MBD5: variants seen among roughly 807,000 people sequenced by gnomAD.
MBD5 encodes the protein methyl-CpG-binding domain protein 5.
In MBD5, 13 loss-of-function variants were observed where a neutral mutation model predicts 117.3. The observed-to-expected ratio is 0.11, with a 90% confidence interval of 0.07 to 0.18. MBD5 has a LOEUF of 0.18. MBD5 is among the 10% of genes least tolerant of loss of function. The pLI is 1.00. For missense variants in MBD5, 1,879 were observed against 2,093.8 expected, an observed-to-expected ratio of 0.90 and a Z score of 2.00; for synonymous variants, 727 against 766.4, an observed-to-expected ratio of 0.95 and a Z score of 0.85.
intron 1 of MBD5, among the ~76,000 whole-genome samples, chr2:148,051,955 G>A (rs1012968814): frequency 6.6e-6 from 1 of 151,810 alleles, no homozygotes; most frequent in Admixed American, 6.6e-5. Context: ...GGTAGAATTC[G>A]CCAGTGAAGC....
chr2:148,204,604 A>T (rs1699230498), intron 2 of MBD5, among the ~76,000 whole-genome samples: 1 of 152,202 alleles, frequency 6.6e-6, no homozygotes, highest in African/African-American at 2.4e-5. Flanking sequence ...AAGGGGAAAA[A>T]GTCAGACTTG....
intron 1 of MBD5, among the ~76,000 whole-genome samples, chr2:148,136,569 A>C (rs1697176866): frequency 6.6e-6 from 1 of 152,126 alleles, no homozygotes. Flanking sequence ...TGTTTCTTTT[A>C]ATTTCTCCCT....
intron 4 of MBD5, among the ~76,000 whole-genome samples, chr2:148,380,075 C>G (rs1342232567): frequency 5.3e-5 from 8 of 151,986 alleles, no homozygotes; most frequent in African/African-American, 1.2e-4. Context: ...CAGGCAAACA[C>G]CAACCAAAAC....
chr2:148,199,797 T>C (rs1286128375), intron 2 of MBD5, among the ~76,000 whole-genome samples: 1 of 152,036 alleles, frequency 6.6e-6, no homozygotes, highest in Non-Finnish European at 1.5e-5. Context: ...AATATAAATG[T>C]CATGGATTTC....
chr2:148,480,678 A>G (rs1263129006), intron 8 of MBD5, among the ~76,000 whole-genome samples: 1 of 152,148 alleles, frequency 6.6e-6, no homozygotes, highest in Non-Finnish European at 1.5e-5. Flanking sequence ...AGAAGCAGTT[A>G]AATGTTTAAG....
At chr2:148,507,746 C>T (rs543157583) in intron 12 of MBD5, among the ~76,000 whole-genome samples, 11 of 135,940 alleles carry the variant, frequency 8.1e-5, no homozygotes, top group African/African-American at 3.1e-4. Flanking sequence ...GGCGACAGAG[C>T]AAGACTCCGT....
chr2:148,076,174 TCG>T (rs1458566359), intron 1 of MBD5, among the ~76,000 whole-genome samples: 1 of 105,508 alleles, frequency 9.5e-6, no homozygotes, highest in African/African-American at 4.0e-5. Context: ...CTCAAAGTCG[TCG>T]TTTTTTGTTG....
At chr2:148,415,279 T>C (rs1042763694) in intron 4 of MBD5, among the ~76,000 whole-genome samples, 2 of 152,184 alleles carry the variant, frequency 1.3e-5, no homozygotes, top group African/African-American at 4.8e-5. Context: ...TTTTTAAGGA[T>C]CCTGAATATA....
intron 2 of MBD5, among the ~76,000 whole-genome samples, chr2:148,205,213 G>T (rs530159566): frequency 6.6e-6 from 1 of 151,804 alleles, no homozygotes; most frequent in African/African-American, 2.4e-5. Context: ...AGTAGCTGGG[G>T]ATTACAGGCA....
At chr2:148,336,499 A>G (rs1046752061) in intron 3 of MBD5, among the ~76,000 whole-genome samples, 6 of 151,824 alleles carry the variant, frequency 4.0e-5, no homozygotes, top group Non-Finnish European at 5.9e-5. Flanking sequence ...CCATCCTTCC[A>G]TGTCAGCCTC....
intron 2 of MBD5, among the ~76,000 whole-genome samples, chr2:148,231,504 G>T (rs1699984956): frequency 6.6e-6 from 1 of 152,006 alleles, no homozygotes; most frequent in Admixed American, 6.6e-5. Context: ...TTAAAGCCAG[G>T]TACTGTGAGT....
At chr2:148,441,644 T>TGG (rs1277849973) in intron 4 of MBD5, among the ~76,000 whole-genome samples, 1 of 152,140 alleles carries the variant, frequency 6.6e-6, no homozygotes, top group Non-Finnish European at 1.5e-5. Context: ...CTGGGTCAAA[T>TGG]GGTATTTCTA....
chr2:148,047,498 C>T (rs773847568), intron 1 of MBD5, among the ~76,000 whole-genome samples: 13 of 152,114 alleles, frequency 8.5e-5, no homozygotes, highest in South Asian at 4.2e-4. Context: ...CCTGAATATA[C>T]GAGAAGGCCA....
At chr2:148,288,273 G>A (rs991038245) in intron 3 of MBD5, among the ~76,000 whole-genome samples, 3 of 118,014 alleles carry the variant, frequency 2.5e-5, no homozygotes, top group African/African-American at 6.0e-5. Flanking sequence ...AGTGGCGGGC[G>A]CCTGTAGTCC....
intron 1 of MBD5, among the ~76,000 whole-genome samples, chr2:148,086,692 T>C (rs1019804582): frequency 6.6e-6 from 1 of 152,092 alleles, no homozygotes; most frequent in African/African-American, 2.4e-5. Context: ...GGATACAGAA[T>C]AGGGGTGGGA....
chr2:148,294,511 T>TTTTGTTTTTTTTTTTTGTTTGTTTG (rs1559009568), intron 3 of MBD5, among the ~76,000 whole-genome samples: 3 of 142,112 alleles, frequency 2.1e-5, no homozygotes, highest in African/African-American at 8.2e-5. Flanking sequence ...GTTTTTTTTT[T>TTTTGTTTTTTTTTTTTGTTTGTTTG]TTTTTTTTTT....
chr2:148,410,684 G>A (rs367708714), intron 4 of MBD5, among the ~76,000 whole-genome samples: 60 of 152,180 alleles, frequency 3.9e-4, no homozygotes, highest in Non-Finnish European at 6.6e-4. Flanking sequence ...CACCTGCCTC[G>A]TCCTCCGACA....
intron 2 of MBD5, among the ~76,000 whole-genome samples, chr2:148,205,894 G>A (rs1213351650): frequency 1.3e-5 from 2 of 151,858 alleles, no homozygotes; most frequent in East Asian, 1.9e-4. Flanking sequence ...TGATCCCAGC[G>A]ACTTGGGAGG....
chr2:148,281,909 T>C (rs1321430641), intron 3 of MBD5, among the ~76,000 whole-genome samples: 1 of 152,190 alleles, frequency 6.6e-6, no homozygotes, highest in Non-Finnish European at 1.5e-5. Flanking sequence ...AGGTGGTTCT[T>C]TTTAATCTCC....
Sources: allele counts gnomAD v4.1 joint callset (sites outside exome capture counted in the v4.1 genomes callset), GRCh38; gene constraint gnomAD v4.1.1; transcripts MANE v1.5; gene names NCBI Gene and HGNC (gene_info 2026-07-23, HGNC 2026-07-21).